PAPPA2: variants seen among roughly 807,000 people sequenced by gnomAD.
PAPPA2 encodes pappalysin-2.
PAPPA2 carries 86 observed loss-of-function variants against 176.4 expected under a neutral mutation model. The observed-to-expected ratio is 0.49, with a 90% CI of 0.41 to 0.58. The LOEUF (loss-of-function observed/expected upper bound fraction) is 0.58. Among genes scored for constraint, PAPPA2 ranks in the 20% least tolerant of loss-of-function variants. The pLI, the probability that PAPPA2 is intolerant of heterozygous loss-of-function variation, is 0.00. For synonymous variants in PAPPA2, 809 were observed against 852.2 expected, an observed-to-expected ratio of 0.95 and a Z score of 0.88; for missense variants, 2,073 against 2,256.9, an observed-to-expected ratio of 0.92 and a Z score of 1.65.
chr1:176,792,672 T>A (rs1226026112), intron 19 of PAPPA2, among the ~76,000 whole-genome samples: 1 of 152,014 alleles, frequency 6.6e-6, no homozygotes, highest in African/African-American at 2.4e-5. Flanking sequence ...GTAACTAACC[T>A]GCACAATGTG....
Position 176,791,401 on chromosome 1 carries a change from G to A in PAPPA2, c.4939G>A (p.Glu1647Lys). 1 of 1,612,728 alleles carries A rather than the reference G, an allele frequency of 6.2e-7. No individual in the cohort carries two copies. The highest frequency in any genetic ancestry group is 8.5e-7 in the Non-Finnish European group (1 of 1,178,896). Residue 1647 changes from glutamate to lysine, a missense_variant, in exon 19 of 23, where the codon GAG (glutamate) becomes AAG (lysine). This residue lies in a region of PAPPA2 where 846 missense variants were observed against 857.9 expected (regional missense o/e 0.99). Transcript: ENST00000367662. ...GTGGACCCAGGAGTTTAAGTTGTGT[G>A]AGAATCTGCAAGGAGAATGCCCACC... ...GLWTQEFKLC[E>K]NLQGECPPPP...
At chr1:176,660,978 G>T (rs1338631725) in intron 3 of PAPPA2, among the ~76,000 whole-genome samples, 1 of 151,972 alleles carries the variant, frequency 6.6e-6, no homozygotes, top group African/African-American at 2.4e-5. Flanking sequence ...TCTATTATCT[G>T]CAAAGATTGG....
intron 1 of PAPPA2, among the ~76,000 whole-genome samples, chr1:176,526,663 A>G (rs1277686464): frequency 6.6e-6 from 1 of 152,158 alleles, no homozygotes; most frequent in African/African-American, 2.4e-5. Context: ...TGACTAATAA[A>G]GCTGCCCTCC....
At chr1:176,611,077 A>T (rs1270104728) in intron 3 of PAPPA2, among the ~76,000 whole-genome samples, 1 of 152,178 alleles carries the variant, frequency 6.6e-6, no homozygotes, top group Non-Finnish European at 1.5e-5. Flanking sequence ...CCTCCATGTT[A>T]ACCCCAAATT....
At chr1:176,765,015 A>C (rs1036853910) in intron 14 of PAPPA2, among the ~76,000 whole-genome samples, 1 of 152,226 alleles carries the variant, frequency 6.6e-6, no homozygotes, top group African/African-American at 2.4e-5. Context: ...TAAGTTAGGC[A>C]TGGGACATGG....
At chr1:176,698,230 A>C (rs1488344926) in intron 7 of PAPPA2, among the ~76,000 whole-genome samples, 1 of 138,880 alleles carries the variant, frequency 7.2e-6, no homozygotes, top group Non-Finnish European at 1.6e-5. Context: ...AGAACATTGT[A>C]TAGATCTACA....
chr1:176,575,155 A>G (rs1394071119), intron 2 of PAPPA2, among the ~76,000 whole-genome samples: 1 of 152,152 alleles, frequency 6.6e-6, no homozygotes, highest in Non-Finnish European at 1.5e-5. Context: ...CTCCAGATTT[A>G]TCTGAGGTCA....
At chr1:176,510,423 A>G (rs1648525130) in intron 1 of PAPPA2, among the ~76,000 whole-genome samples, 2 of 152,200 alleles carry the variant, frequency 1.3e-5, no homozygotes, top group Admixed American at 1.3e-4. Flanking sequence ...AGAATGCCAT[A>G]TCAAATGAAC....
In PAPPA2 at chr1:176,560,733, C is replaced by T. The variant is rs116691899; in HGVS notation, c.919+3492C>T. On this transcript the variant is annotated intron_variant, in intron 2 of 22. Transcript: ENST00000367662. ...CCTTGAAACCATCCTGTTCCTTTCC[C>T]GCCTTCTCAACTTCCTTTCCTCTCT... Among the ~76,000 whole-genome samples the T allele has an allele frequency of 6.0e-3, 910 of 152,302 alleles. 17 individuals carry two copies. Among genetic ancestry groups the T allele is most frequent in the African/African-American group, 0.02 (828 of 41,550 alleles).
chr1:176,571,876 G>C (rs1245644511), intron 2 of PAPPA2, among the ~76,000 whole-genome samples: 1 of 152,220 alleles, frequency 6.6e-6, no homozygotes, highest in Non-Finnish European at 1.5e-5. Context: ...TATGGGTTCA[G>C]CCCAATCCTT....
intron 14 of PAPPA2, among the ~76,000 whole-genome samples, chr1:176,745,789 A>T (rs772084618): frequency 4.6e-5 from 7 of 152,176 alleles, no homozygotes; most frequent in African/African-American, 7.2e-5. Flanking sequence ...GTGGCAGAGA[A>T]GTTTGTGGAG....
intron 14 of PAPPA2, among the ~76,000 whole-genome samples, chr1:176,745,775 T>C (rs1662879306): frequency 6.6e-6 from 1 of 152,132 alleles, no homozygotes; most frequent in South Asian, 2.1e-4. Context: ...CTGTGGAACA[T>C]TGTGTGGCAG....
intron 3 of PAPPA2, among the ~76,000 whole-genome samples, chr1:176,624,740 G>A (rs991649042): frequency 1.2e-4 from 18 of 152,186 alleles, no homozygotes; most frequent in African/African-American, 3.9e-4. Context: ...TCCTACCTCT[G>A]TGCTTTCATA....
chr1:176,667,608 T>C (rs1658742162), intron 3 of PAPPA2, among the ~76,000 whole-genome samples: 1 of 152,098 alleles, frequency 6.6e-6, no homozygotes, highest in Non-Finnish European at 1.5e-5. Context: ...TGATATTCCC[T>C]TGAAGGAAGA....
At position 176,648,676 on chromosome 1, in the gene PAPPA2, T is replaced by G. The variant is rs913695089; in HGVS notation, c.1992-22294T>G. ...GAGTTTTATTGAATGCTTTTTCATCTTCTGTTGAAATAATCATATGGCTTT... is the reference window on the plus strand; with the variant it reads ...GAGTTTTATTGAATGCTTTTTCATCGTCTGTTGAAATAATCATATGGCTTT... On this transcript the variant is annotated intron_variant, in intron 3 of 22. Coordinates refer to ENST00000367662, the MANE Select transcript of PAPPA2 (RefSeq NM_020318.3). 4.0e-5 allele frequency among the ~76,000 whole-genome samples: 6 copies of G among 151,542 alleles called. No homozygotes were observed. In the East Asian group the frequency reaches 1.2e-3, roughly 29 times the overall value.
chr1:176,641,184 C>T (rs964172131), intron 3 of PAPPA2, among the ~76,000 whole-genome samples: 2 of 151,690 alleles, frequency 1.3e-5, no homozygotes, highest in Non-Finnish European at 3.0e-5. Flanking sequence ...TGCAGAAGCT[C>T]TTTAGTTTAA....
chr1:176,830,548 T>G (rs1203785123), intron 21 of PAPPA2, among the ~76,000 whole-genome samples: 1 of 152,204 alleles, frequency 6.6e-6, no homozygotes, highest in Non-Finnish European at 1.5e-5. Flanking sequence ...CACAGTTGGT[T>G]GGCTCCAATT....
chr1:176,643,264 A>G (rs1037681786), intron 3 of PAPPA2, among the ~76,000 whole-genome samples: 3 of 151,898 alleles, frequency 2.0e-5, no homozygotes, highest in Admixed American at 2.0e-4. Context: ...TGGACTGTAA[A>G]TTCATGTCTG....
chr1:176,603,385 C>T (rs1383967293), intron 3 of PAPPA2, among the ~76,000 whole-genome samples: 3 of 152,170 alleles, frequency 2.0e-5, no homozygotes, highest in Non-Finnish European at 2.9e-5. Context: ...TAGGTCTTCC[C>T]CTAACCAGGC....
Sources: gnomAD v4.1 joint callset for allele counts (sites outside exome capture counted in the v4.1 genomes callset) on GRCh38, gnomAD v4.1.1 for gene constraint, gnomAD v4.1.1 regional missense constraint, MANE v1.5 for transcripts, NCBI Gene and HGNC (gene_info 2026-07-23, HGNC 2026-07-21) for gene names.